The following LPIN3 variants were observed in gnomAD, a reference collection of about 807,000 sequenced individuals.
LPIN3 encodes lipin 3, also known as phosphatidate phosphatase LPIN3.
In LPIN3, 82 loss-of-function variants were observed where a neutral mutation model predicts 94.7. The ratio of observed to expected loss-of-function variants is 0.87; its 90% CI spans 0.72 to 1.04. The LOEUF (loss-of-function observed/expected upper bound fraction) is 1.04, where lower values mean the gene tolerates loss of function less well. Among genes scored for constraint, LPIN3 ranks in the 50% least tolerant of loss-of-function variants. LPIN3 has a pLI of 0.00. For missense variants in LPIN3, 996 were observed against 1,090.5 expected (o/e 0.91, Z 1.22); for synonymous variants, 418 against 443.3 (o/e 0.94, Z 0.72).
In LPIN3 at chr20:41,354,636, T is replaced by A. The variant is rs748001602; in HGVS notation, c.1528-9T>A. ...AGGAAACACTGCCATGGCTTTCATC[T>A]GCCCACAGAGCACCATGGACAAGCT... On this transcript the variant is annotated splice_polypyrimidine_tract_variant and intron_variant, in intron 11 of 19. Transcript: ENST00000373257. The A allele has an allele frequency of 4.6e-5, 71 of 1,557,700 alleles. No individual in the cohort carries two copies. The highest frequency in any genetic ancestry group is 6.2e-5 in the Non-Finnish European group (71 of 1,150,000).
intron 16 of LPIN3, 31 bp from the exon 17 acceptor site, chr20:41,357,851 G>A (rs1373558882): frequency 6.2e-7 from 1 of 1,613,164 alleles, no homozygotes; most frequent in Admixed American, 1.7e-5. Flanking sequence ...GGTCTCTGAT[G>A]GCTCTATGCC....
rs777896999 is a variant in LPIN3 at position 41,348,656 on chromosome 20, C to A, written c.326C>A (p.Pro109His). The change falls in exon 4 of 20, where the codon CCT (proline) becomes CAT (histidine). Residue 109 changes from proline to histidine, a missense_variant. Transcript: ENST00000373257. ...VPPGLCTSPI[P>H]WGGLSGFPSD... ...CCCGGCCTGTGCACCTCACCCATCC[C>A]TTGGGGGGGTCTGTCTGGCTTCCCC... 6.2e-7 allele frequency: 1 copy of A among 1,613,634 alleles called. No individual in the cohort carries two copies. Among genetic ancestry groups the A allele is most frequent in the East Asian group, 2.2e-5 (1 of 44,858 alleles).
At position 41,356,035 on chromosome 20, in the gene LPIN3, G is replaced by T. The variant is rs141137563; in HGVS notation, c.1803+1G>T. The T allele has an allele frequency of 6.2e-7, 1 of 1,613,098 alleles. No homozygotes were observed. Among genetic ancestry groups the T allele is most frequent in the Admixed American group, 1.7e-5 (1 of 59,940 alleles). On this transcript the variant is annotated splice_donor_variant, in intron 14 of 19. Coordinates refer to ENST00000373257, the MANE Select transcript of LPIN3 (RefSeq NM_022896.3). LOFTEE classifies it high-confidence loss of function. ...CCTCCGCCTCTCCTCCGATCAGATC[G>T]TAAGTGTGGGTTGTCTGTGTGGAGG...
rs2045555212 is a variant in LPIN3, at chr20:41,340,965, G to A, written c.-46G>A. ...GCCTGTGCACGTAGGTAGAGGCGGC[G>A]GCTCTGAGTCCAGGAGCTCCAGTGG... On this transcript the variant is annotated 5_prime_UTR_variant, in exon 1 of 20. Transcript: ENST00000373257. The A allele has an allele frequency of 6.6e-6, 1 of 152,292 alleles. No individual in the cohort carries two copies. The allele number at this position is 152,292 out of a possible 1,614,324, so 9.4% of individuals were successfully genotyped here. A position where few individuals can be genotyped will look rare whatever the true frequency, so the allele number is the denominator to read the frequency against.
In LPIN3 at chr20:41,349,398, C is replaced by T. The variant is rs148944816; in HGVS notation, c.638+226C>T. Among the ~76,000 whole-genome samples the T allele has an allele frequency of 2.5e-3, 376 of 151,968 alleles. 5 individuals carry two copies. Among genetic ancestry groups the T allele is most frequent in the African/African-American group, 8.7e-3 (361 of 41,444 alleles). ...TAACTATTTCAAAGTGTATACAGTT[C>T]AGTGGCATTAAGTACATTCAGTGTT... On this transcript the variant is annotated intron_variant, in intron 5 of 19. Transcript: ENST00000373257.
chr20:41,357,525 G>A, intron 16 of LPIN3, 78 bp downstream of exon 16: 5 of 1,265,216 alleles, frequency 4.0e-6, no homozygotes, highest in Non-Finnish European at 4.5e-6. Flanking sequence ...GGACATCTTG[G>A]GGACCAGCAG....
intron 11 of LPIN3, among the ~76,000 whole-genome samples, 156 bp downstream of exon 11, chr20:41,353,023 C>A (rs1477320083): frequency 6.6e-6 from 1 of 152,226 alleles, no homozygotes; most frequent in East Asian, 1.9e-4. Context: ...CGACACACGT[C>A]CCTGAAGCCT....
Position 41,358,050 on chromosome 20 carries a change from C to A in LPIN3, c.2192+16C>A. 1 of 1,581,464 alleles carries A rather than the reference C, an allele frequency of 6.3e-7. No individual in the cohort carries two copies. The highest frequency in any genetic ancestry group is 8.6e-7 in the Non-Finnish European group (1 of 1,164,334). Reference sequence around the variant, plus strand: ...CCCTCCACAGGTAACCACCCCTACACATACAAGCCCGTGGCCCCCTGGTGG... The same window carrying A: ...CCCTCCACAGGTAACCACCCCTACAAATACAAGCCCGTGGCCCCCTGGTGG... On this transcript the variant is annotated intron_variant, in intron 17 of 19. Transcript: ENST00000373257.
At chr20:41,342,034 T>G (rs1426195939) in intron 1 of LPIN3, among the ~76,000 whole-genome samples, 1 of 152,172 alleles carries the variant, frequency 6.6e-6, no homozygotes, top group Non-Finnish European at 1.5e-5. Context: ...GGGCAGTTCA[T>G]CAGAGTATGA....
intron 5 of LPIN3, among the ~76,000 whole-genome samples, chr20:41,349,526 TTTCCTTCCTTCCC>T (rs1306823397): frequency 1.3e-5 from 2 of 152,116 alleles, no homozygotes; most frequent in Non-Finnish European, 2.9e-5. Context: ...CTTCTTTTTT[TTTCCTTCCTTCCC>T]TTCCTTCCTT....
intron 2 of LPIN3, 36 bp downstream of exon 2, chr20:41,346,031 A>G: frequency 6.3e-7 from 1 of 1,593,140 alleles, no homozygotes; most frequent in Non-Finnish European, 8.6e-7. Flanking sequence ...GCTACTGCAG[A>G]GTGGGCTTTT....
At position 41,357,062 on chromosome 20, in the gene LPIN3, G is replaced by A; in HGVS notation, c.1826G>A (p.Gly609Asp). Residue 609 changes from glycine (G) to aspartate (D), a missense_variant, in exon 15 of 20, where the codon GGT (glycine) becomes GAT (aspartate). Coordinates refer to ENST00000373257, the MANE Select transcript of LPIN3 (RefSeq NM_022896.3). ...CAGCGGCGCCTGAACCTGCAAGAAG[G>A]TGCCAATGATGTGGTCTTCAGCGTG... ...DQIRRLNLQE[G>D]ANDVVFSVTT... 1 of 1,613,744 alleles carries A rather than the reference G, an allele frequency of 6.2e-7. No individual in the cohort carries two copies. Among genetic ancestry groups the A allele is most frequent in the Non-Finnish European group, 8.5e-7 (1 of 1,179,674 alleles).
Position 41,354,626 on chromosome 20 carries a change from G to A in LPIN3, c.1528-19G>A. On this transcript the variant is annotated intron_variant, in intron 11 of 19. Coordinates refer to ENST00000373257, the MANE Select transcript of LPIN3 (RefSeq NM_022896.3). ...TATGTGGTGCAGGAAACACTGCCAT[G>A]GCTTTCATCTGCCCACAGAGCACCA... The A allele has an allele frequency of 1.9e-6, 3 of 1,548,976 alleles. No individual in the cohort carries two copies. Among genetic ancestry groups the A allele is most frequent in the South Asian group, 1.2e-5 (1 of 80,670 alleles).
chr20:41,341,909 G>A (rs753990019), intron 1 of LPIN3, among the ~76,000 whole-genome samples: 19 of 152,158 alleles, frequency 1.2e-4, no homozygotes, highest in South Asian at 2.1e-4. Flanking sequence ...CCCAGCAGGC[G>A]GAGCTTGCAG....
chr20:41,357,125 C>T lies in LPIN3; in HGVS notation c.1889C>T (p.Thr630Ile). The change falls in exon 15 of 20, where the codon ACC becomes ATC. Residue 630 changes from threonine (T) to isoleucine (I), a missense_variant. Thr to Ile is a moderately conservative substitution (Grantham distance 89, BLOSUM62 -1). Transcript: ENST00000373257. The stretch of plus-strand genomic sequence containing the variant: ...CAGGGCACCTGCCGCTGCAAGGCCA[C>T]CATCTACCTGTGGAAATGGGACGAC... ...QYQGTCRCKA[T>I]IYLWKWDDKV... 1 of 1,614,172 alleles carries T rather than the reference C, an allele frequency of 6.2e-7. No homozygotes were observed. Among genetic ancestry groups the T allele is most frequent in the Non-Finnish European group, 8.5e-7 (1 of 1,180,024 alleles).
At chr20:41,343,095 A>G (rs1364258548) in intron 1 of LPIN3, among the ~76,000 whole-genome samples, 1 of 152,236 alleles carries the variant, frequency 6.6e-6, no homozygotes, top group East Asian at 1.9e-4. Context: ...TAATGGGCAG[A>G]GACCAGGGAT....
chr20:41,346,566 C>T (rs2045785073), intron 2 of LPIN3, among the ~76,000 whole-genome samples: 1 of 152,132 alleles, frequency 6.6e-6, no homozygotes, highest in Admixed American at 6.5e-5. Context: ...CATGGTGAAA[C>T]CCAGTCTCTA....
intron 2 of LPIN3, among the ~76,000 whole-genome samples, chr20:41,346,664 C>A (rs549284286): frequency 1.0e-3 from 156 of 152,288 alleles, no homozygotes; most frequent in Admixed American, 3.7e-3. Context: ...TCGCTTGAAT[C>A]CAGGAGGCAG....
rs375529534 is a variant in LPIN3 at position 41,350,407 on chromosome 20, G to T, written c.1102+10G>T. ...GTCTCCAGGGGGAAAGGTGAGTGAC[G>T]CTGGGTCTCTCCCACTGCCTCCCTG... On this transcript the variant is annotated intron_variant, in intron 7 of 19. Coordinates refer to ENST00000373257, the MANE Select transcript of LPIN3 (RefSeq NM_022896.3). 6.5e-7 allele frequency: 1 copy of T among 1,541,734 alleles called. No homozygotes were observed. Among genetic ancestry groups the T allele is most frequent in the Non-Finnish European group, 8.8e-7 (1 of 1,139,756 alleles).
Sources: gnomAD v4.1 joint callset for allele counts (sites outside exome capture counted in the v4.1 genomes callset) on GRCh38, gnomAD v4.1.1 for gene constraint, MANE v1.5 for transcripts, NCBI Gene and HGNC (gene_info 2026-07-23, HGNC 2026-07-21) for gene names.